CHSY3: variants seen among roughly 807,000 people sequenced by gnomAD.
The protein encoded by CHSY3 is N-acetylgalactosaminyl-proteoglycan 3-beta-glucuronosyltransferase 3.
CHSY3 carries 35 observed loss-of-function variants against 67.2 expected under a neutral mutation model. The ratio of observed to expected loss-of-function variants is 0.52; its 90% CI spans 0.40 to 0.69. The LOEUF (loss-of-function observed/expected upper bound fraction) is 0.69, where lower values mean the gene tolerates loss of function less well. Ranked by LOEUF, CHSY3 falls within the 30% of genes least tolerant of loss-of-function variation. CHSY3 has a pLI of 0.00. For missense variants in CHSY3, 1,069 were observed against 1,138.5 expected, an observed-to-expected ratio of 0.94 and a Z score of 0.88; for synonymous variants, 474 against 434.7, an observed-to-expected ratio of 1.09 and a Z score of -1.12.
At chr5:129,990,953 G>A (rs1401573203) in intron 2 of CHSY3, among the ~76,000 whole-genome samples, 8 of 152,062 alleles carry the variant, frequency 5.3e-5, no homozygotes, top group Admixed American at 5.2e-4. Flanking sequence ...TGACACCTAG[G>A]ATAAGACCTA....
chr5:129,958,694 CTATT>C (rs1430270069), intron 2 of CHSY3, among the ~76,000 whole-genome samples: 1 of 152,012 alleles, frequency 6.6e-6, no homozygotes, highest in African/African-American at 2.4e-5. Context: ...CCATGTCTGG[CTATT>C]TATTTATTTA....
At chr5:130,022,462 A>G (rs537076663) in intron 2 of CHSY3, among the ~76,000 whole-genome samples, 53 of 152,026 alleles carry the variant, frequency 3.5e-4, no homozygotes, top group Admixed American at 5.9e-4. Flanking sequence ...ATAGTAAATT[A>G]TATATATGGT....
At chr5:130,062,468 T>C (rs912295837) in intron 2 of CHSY3, among the ~76,000 whole-genome samples, 1 of 152,088 alleles carries the variant, frequency 6.6e-6, no homozygotes, top group Non-Finnish European at 1.5e-5. Context: ...ATTTGGGTAA[T>C]GGGTACTCTA....
chr5:129,916,433 A>G (rs962874628), intron 2 of CHSY3, among the ~76,000 whole-genome samples: 1 of 152,186 alleles, frequency 6.6e-6, no homozygotes, highest in Non-Finnish European at 1.5e-5. Flanking sequence ...TCACCTAGCT[A>G]CTGAGATGAT....
intron 2 of CHSY3, among the ~76,000 whole-genome samples, chr5:129,947,551 A>G (rs1761894625): frequency 6.6e-6 from 1 of 151,596 alleles, no homozygotes; most frequent in African/African-American, 2.4e-5. Flanking sequence ...TGAACCTGAG[A>G]GGTGGAGGCT....
chr5:129,923,957 A>T (rs1761008279), intron 2 of CHSY3, among the ~76,000 whole-genome samples: 1 of 152,212 alleles, frequency 6.6e-6, no homozygotes. Context: ...AGTAAATTAT[A>T]TTCATGGGTA....
chr5:130,059,451 C>T lies in CHSY3; in HGVS notation c.1087-124778C>T, dbSNP rs116497820. ...TCTTCCCCCTCTCCTTCCCCCTCCC[C>T]CTCTCCCAATCTACCTCCTTATTTC... On this transcript the variant is annotated intron_variant, in intron 2 of 2. Transcript: ENST00000305031. Among the ~76,000 whole-genome samples the T allele has an allele frequency of 6.3e-3, 952 of 151,640 alleles. 11 individuals are homozygous for T. Among genetic ancestry groups the T allele is most frequent in the African/African-American group, 0.022 (910 of 41,260 alleles).
At chr5:130,120,309 G>T (rs1471994798) in intron 2 of CHSY3, among the ~76,000 whole-genome samples, 1 of 151,510 alleles carries the variant, frequency 6.6e-6, no homozygotes, top group Non-Finnish European at 1.5e-5. Context: ...TGCTACCAGG[G>T]TCATATTCCT....
intron 2 of CHSY3, among the ~76,000 whole-genome samples, chr5:129,910,673 C>T (rs1399824822): frequency 6.6e-6 from 1 of 151,900 alleles, no homozygotes; most frequent in African/African-American, 2.4e-5. Flanking sequence ...CACCTAAGTA[C>T]GTAACTTGGG....
chr5:130,159,378 T>C (rs1769464478), intron 2 of CHSY3, among the ~76,000 whole-genome samples: 1 of 151,490 alleles, frequency 6.6e-6, no homozygotes, highest in Non-Finnish European at 1.5e-5. Context: ...TTGCCCAGGC[T>C]GGTCTCAAAA....
intron 2 of CHSY3, among the ~76,000 whole-genome samples, chr5:130,041,590 G>A (rs569117547): frequency 6.6e-6 from 1 of 151,738 alleles, no homozygotes; most frequent in Non-Finnish European, 1.5e-5. Flanking sequence ...TCTCTAAAAG[G>A]GTATCCCAAT....
intron 2 of CHSY3, among the ~76,000 whole-genome samples, chr5:130,032,583 T>TC (rs1359886512): frequency 6.6e-6 from 1 of 151,864 alleles, no homozygotes; most frequent in Non-Finnish European, 1.5e-5. Context: ...CTGCTATGCC[T>TC]CCCCCATCTC....
chr5:130,000,758 T>TTTTTTTG (rs1763702399), intron 2 of CHSY3, among the ~76,000 whole-genome samples: 1 of 127,736 alleles, frequency 7.8e-6, no homozygotes, highest in African/African-American at 2.9e-5. Context: ...TTTTTTTTTT[T>TTTTTTTG]GTAGAGATGA....
At chr5:130,047,035 TA>T (rs1765175501) in intron 2 of CHSY3, among the ~76,000 whole-genome samples, 3 of 151,546 alleles carry the variant, frequency 2.0e-5, no homozygotes, top group Admixed American at 2.0e-4. Context: ...AATAAATTAA[TA>T]AAAATTTAAA....
chr5:129,948,745 C>CT (rs976580689), intron 2 of CHSY3, among the ~76,000 whole-genome samples: 4 of 152,180 alleles, frequency 2.6e-5, no homozygotes, highest in African/African-American at 7.2e-5. Context: ...ACTTTTAGTT[C>CT]TTTAAGGAAT....
chr5:130,063,621 G>A (rs1765782115), intron 2 of CHSY3, among the ~76,000 whole-genome samples: 1 of 152,006 alleles, frequency 6.6e-6, no homozygotes, highest in African/African-American at 2.4e-5. Context: ...TTACGTCTTA[G>A]TGCATTTGTG....
Position 129,908,162 on chromosome 5 carries a change from G to A in CHSY3, c.888G>A (p.Glu296=). The A allele has an allele frequency of 1.2e-6, 2 of 1,614,216 alleles. No homozygotes were observed. Among genetic ancestry groups the A allele is most frequent in the African/African-American group, 1.3e-5 (1 of 75,050 alleles). ...LGQTGLGNIE[E]LGKLGLEPGE... ...AGACTGGCCTGGGGAATATTGAAGAGCTTGGAAAGCTGGGACTGGAGCCTG... is the reference window on the plus strand; with the variant it reads ...AGACTGGCCTGGGGAATATTGAAGAACTTGGAAAGCTGGGACTGGAGCCTG... The change falls in exon 2 of 3, where the codon GAG becomes GAA. Residue 296 remains glutamate (E), a synonymous_variant. Transcript: ENST00000305031.
intron 2 of CHSY3, among the ~76,000 whole-genome samples, chr5:130,018,049 AG>A: frequency 6.6e-6 from 1 of 152,198 alleles, no homozygotes; most frequent in East Asian, 1.9e-4. Context: ...GAATCAAAGT[AG>A]GTTGTAGAGG....
At chr5:129,926,109 G>A (rs1048233008) in intron 2 of CHSY3, among the ~76,000 whole-genome samples, 3 of 151,958 alleles carry the variant, frequency 2.0e-5, no homozygotes, top group African/African-American at 7.2e-5. Flanking sequence ...GAGAGTTTCT[G>A]AATTAGGATT....
Sources: allele counts gnomAD v4.1 joint callset (sites outside exome capture counted in the v4.1 genomes callset), GRCh38; gene constraint gnomAD v4.1.1; transcripts MANE v1.5; gene names NCBI Gene and HGNC (gene_info 2026-07-23, HGNC 2026-07-21).